The following MYO3A variants were observed in gnomAD, a reference collection of about 807,000 sequenced individuals.
MYO3A encodes myosin-IIIa.
A neutral mutation model predicts 192.7 loss-of-function variants in MYO3A; 180 were observed. The observed-to-expected ratio is 0.93, with a 90% CI of 0.83 to 1.06. MYO3A has a LOEUF of 1.06. MYO3A is among the 50% of genes least tolerant of loss of function. MYO3A has a pLI of 0.00. For synonymous variants in MYO3A, 628 were observed against 645.3 expected (o/e 0.97, Z 0.41); for missense variants, 1,896 against 1,905.0 (o/e 1.00, Z 0.09).
At chr10:26,075,297 G>C (rs1835461271) in intron 14 of MYO3A, among the ~76,000 whole-genome samples, 1 of 149,938 alleles carries the variant, frequency 6.7e-6, no homozygotes, top group East Asian at 1.9e-4. Context: ...TTTTTCCATA[G>C]TTATCGGGAT....
At chr10:26,076,901 T>C (rs1267358709) in intron 14 of MYO3A, among the ~76,000 whole-genome samples, 2 of 152,192 alleles carry the variant, frequency 1.3e-5, no homozygotes, top group African/African-American at 4.8e-5. Flanking sequence ...ACTATGGCCT[T>C]ATACTGTAGT....
intron 22 of MYO3A, among the ~76,000 whole-genome samples, chr10:26,146,820 G>A (rs764894259): frequency 6.6e-6 from 1 of 151,214 alleles, no homozygotes; most frequent in Non-Finnish European, 1.5e-5. Flanking sequence ...TCTTTAAAAA[G>A]TCGTAAAATT....
intron 31 of MYO3A, among the ~76,000 whole-genome samples, chr10:26,186,854 C>G (rs1842893749): frequency 6.6e-6 from 1 of 151,972 alleles, no homozygotes; most frequent in African/African-American, 2.4e-5. Context: ...GACTTTGTTG[C>G]CAAATAAAGG....
At chr10:25,996,189 A>T (rs1259707569) in intron 4 of MYO3A, among the ~76,000 whole-genome samples, 1 of 152,198 alleles carries the variant, frequency 6.6e-6, no homozygotes, top group East Asian at 1.9e-4. Flanking sequence ...CACCTACTCA[A>T]GCCTCAGCAA....
chr10:26,138,679 T>C (rs1248216370), intron 20 of MYO3A, among the ~76,000 whole-genome samples: 1 of 152,182 alleles, frequency 6.6e-6, no homozygotes, highest in Non-Finnish European at 1.5e-5. Context: ...AGAAGCAGTG[T>C]GAGCAAGCTG....
intron 15 of MYO3A, among the ~76,000 whole-genome samples, chr10:26,089,458 G>A (rs913968802): frequency 5.9e-5 from 9 of 152,034 alleles, no homozygotes; most frequent in Admixed American, 2.6e-4. Flanking sequence ...AAAATTAGCC[G>A]GGCGTGGTGG....
At chr10:26,144,516 T>C (rs1158601729) in intron 21 of MYO3A, among the ~76,000 whole-genome samples, 1 of 151,932 alleles carries the variant, frequency 6.6e-6, no homozygotes, top group Non-Finnish European at 1.5e-5. Flanking sequence ...AGTCAGTTGA[T>C]TTTTAGATCA....
In MYO3A at chr10:26,153,948, T is replaced by C; in HGVS notation, c.2715+19T>C. On this transcript the variant is annotated intron_variant, in intron 24 of 34. Coordinates refer to ENST00000642920, the MANE Select transcript of MYO3A (RefSeq NM_017433.5). Reference sequence around the variant, plus strand: ...GGCAAAGGTAAGAAAATGCTTTTTTTCTTGGCAGTGAGTCTAAGAATCTAA... The same window carrying C: ...GGCAAAGGTAAGAAAATGCTTTTTTCCTTGGCAGTGAGTCTAAGAATCTAA... The C allele has an allele frequency of 1.3e-6, 2 of 1,522,052 alleles. No individual in the cohort carries two copies. The highest frequency in any genetic ancestry group is 1.7e-5 in the Admixed American group (1 of 59,750). The allele number at this position is 1,522,052 out of a possible 1,614,324, so 94.3% of individuals were successfully genotyped here.
chr10:25,994,930 G>A (rs1297563078), intron 4 of MYO3A, among the ~76,000 whole-genome samples: 1 of 152,054 alleles, frequency 6.6e-6, no homozygotes, highest in East Asian at 1.9e-4. Flanking sequence ...TTTCTCTCTG[G>A]CTGCCCTTAA....
At chr10:26,076,443 T>C (rs1835581980) in intron 14 of MYO3A, among the ~76,000 whole-genome samples, 1 of 152,176 alleles carries the variant, frequency 6.6e-6, no homozygotes, top group Non-Finnish European at 1.5e-5. Flanking sequence ...TTTCCCACTC[T>C]GTGGGTTTTC....
intron 6 of MYO3A, among the ~76,000 whole-genome samples, chr10:26,006,396 A>G (rs536904314): frequency 0.094 from 14,313 of 152,086 alleles, 1,180 homozygotes; most frequent in African/African-American, 0.21. Context: ...AGAACTGAAG[A>G]AAATAGAGAC....
chr10:26,073,645 A>G (rs1276036222), intron 14 of MYO3A, among the ~76,000 whole-genome samples: 1 of 44,220 alleles, frequency 2.3e-5, no homozygotes, highest in Non-Finnish European at 7.3e-5. Flanking sequence ...AATAATAATA[A>G]TAATGATAAT....
chr10:26,084,802 G>C (rs1178673758), intron 14 of MYO3A, among the ~76,000 whole-genome samples: 1 of 152,150 alleles, frequency 6.6e-6, no homozygotes, highest in Non-Finnish European at 1.5e-5. Context: ...CACTATGCCT[G>C]GCCTAGCTCT....
chr10:26,049,669 CTTTCTTT>C (rs1843860543), intron 10 of MYO3A, among the ~76,000 whole-genome samples: 1 of 75,390 alleles, frequency 1.3e-5, no homozygotes, highest in African/African-American at 4.2e-5. Context: ...TTCTTTCTTT[CTTTCTTT>C]TTTTTTTTTT....
chr10:26,044,844 C>T (rs541610427), intron 10 of MYO3A, among the ~76,000 whole-genome samples: 24 of 152,222 alleles, frequency 1.6e-4, no homozygotes, highest in Non-Finnish European at 2.8e-4. Context: ...AGCAGCTGTG[C>T]TTTTCCATGT....
chr10:26,099,675 G>T (rs1837305755), intron 17 of MYO3A, among the ~76,000 whole-genome samples: 1 of 152,080 alleles, frequency 6.6e-6, no homozygotes, highest in Non-Finnish European at 1.5e-5. Flanking sequence ...TAATCATGTG[G>T]TTTTTGTCTT....
chr10:25,950,357 G>T (rs2130530901), intron 2 of MYO3A, among the ~76,000 whole-genome samples: 1 of 152,160 alleles, frequency 6.6e-6, no homozygotes, highest in South Asian at 2.1e-4. Context: ...GGTAGGAGAA[G>T]GTAAACAGCA....
chr10:26,164,136 AAGTGAAG>A (rs11278135), intron 26 of MYO3A, among the ~76,000 whole-genome samples: 47,491 of 149,088 alleles, frequency 0.32, 7,656 homozygotes, highest in South Asian at 0.43. Flanking sequence ...AAGTGATGGG[AAGTGAAG>A]AGTGAAGAGT....
In MYO3A at chr10:26,016,903, TAG is replaced by T. The variant is rs1842015881; in HGVS notation, c.585+10_585+11del. 2.5e-6 allele frequency: 4 copies of T among 1,613,706 alleles called. No homozygotes were observed. Among genetic ancestry groups the T allele is most frequent in the Non-Finnish European group, 2.5e-6 (3 of 1,179,714 alleles). On this transcript the variant is annotated splice_region_variant and intron_variant, in intron 7 of 34. Coordinates refer to ENST00000642920, the MANE Select transcript of MYO3A (RefSeq NM_017433.5). ...GTTTTGGATGGCTCCTGAGGTCAGA[TAG>T]AGTTTTGAGGCAGACAAACGTAATA...
Sources: allele counts gnomAD v4.1 joint callset (sites outside exome capture counted in the v4.1 genomes callset), GRCh38; gene constraint gnomAD v4.1.1; transcripts MANE v1.5; gene names NCBI Gene and HGNC (gene_info 2026-07-23, HGNC 2026-07-21).